Variants in DDC observed in about 807,000 individuals in gnomAD.
DDC encodes the protein dopa decarboxylase, also known as aromatic-L-amino-acid decarboxylase.
A neutral mutation model predicts 60.0 loss-of-function variants in DDC; 43 were observed. The ratio of observed to expected loss-of-function variants is 0.72; its 90% CI spans 0.56 to 0.92. The LOEUF is 0.92. Ranked by LOEUF, DDC falls within the 40% of genes least tolerant of loss-of-function variation. The pLI is 0.00. For synonymous variants in DDC, 232 were observed against 234.6 expected (o/e 0.99, Z 0.10); for missense variants, 573 against 620.2 (o/e 0.92, Z 0.81).
chr7:50,524,805 C>T (rs1418552387), intron 6 of DDC, among the ~76,000 whole-genome samples: 1 of 152,184 alleles, frequency 6.6e-6, no homozygotes, highest in Non-Finnish European at 1.5e-5. Context: ...TACCATAGGA[C>T]CCTTAATTGC....
intron 6 of DDC, among the ~76,000 whole-genome samples, chr7:50,520,950 G>A (rs1044574343): frequency 1.3e-5 from 2 of 150,174 alleles, no homozygotes; most frequent in Non-Finnish European, 3.0e-5. Flanking sequence ...TAAATGCAAT[G>A]TAAGCAGAAG....
intron 1 of DDC, among the ~76,000 whole-genome samples, chr7:50,562,692 C>T (rs1473890848): frequency 2.0e-5 from 3 of 152,184 alleles, no homozygotes; most frequent in East Asian, 3.8e-4. Context: ...TCCTACAGGG[C>T]GGAGCTGGGG....
chr7:50,479,091 A>G (rs1330424494), intron 10 of DDC, among the ~76,000 whole-genome samples: 1 of 152,214 alleles, frequency 6.6e-6, no homozygotes, highest in African/African-American at 2.4e-5. Context: ...AGCCAGATAC[A>G]CTGGCCCAAG....
At chr7:50,536,316 C>A (rs1422853826) in intron 4 of DDC, among the ~76,000 whole-genome samples, 1 of 152,218 alleles carries the variant, frequency 6.6e-6, no homozygotes, top group Admixed American at 6.5e-5. Context: ...CATCTTACAT[C>A]TCATGTCCCC....
intron 1 of DDC, among the ~76,000 whole-genome samples, 171 bp downstream of exon 1, chr7:50,565,114 C>G (rs1322654444): frequency 1.3e-5 from 2 of 152,184 alleles, no homozygotes; most frequent in African/African-American, 4.8e-5. Context: ...GCACAGCCCC[C>G]ACTGAACAAA....
intron 1 of DDC, among the ~76,000 whole-genome samples, chr7:50,558,245 T>C (rs2045247607): frequency 6.6e-6 from 1 of 152,256 alleles, no homozygotes; most frequent in Non-Finnish European, 1.5e-5. Context: ...ATAGTCATAA[T>C]ATCCAGTGCC....
intron 9 of DDC, among the ~76,000 whole-genome samples, chr7:50,483,154 C>CTATGTTTTTTGGTTTT: frequency 6.6e-6 from 1 of 152,038 alleles, no homozygotes; most frequent in African/African-American, 2.4e-5. Context: ...TTGGTAGTTA[C>CTATGTTTTTTGGTTTT]CTTTTATCAG....
intron 12 of DDC, among the ~76,000 whole-genome samples, chr7:50,469,001 A>G (rs113149183): frequency 0.053 from 7,526 of 142,374 alleles, 450 homozygotes; most frequent in African/African-American, 0.15. Context: ...GTGCAGTGGC[A>G]CAATCTCTGC....
chr7:50,478,724 G>C (rs976690960), intron 10 of DDC, among the ~76,000 whole-genome samples: 1 of 152,160 alleles, frequency 6.6e-6, no homozygotes, highest in Admixed American at 6.5e-5. Context: ...CTACTTAATA[G>C]GTCTTATGTG....
chr7:50,531,020 A>G (rs2044188132), intron 4 of DDC, among the ~76,000 whole-genome samples: 2 of 152,180 alleles, frequency 1.3e-5, no homozygotes. Context: ...ACATTTATTC[A>G]TGTTTCTGTA....
In DDC at chr7:50,502,137, G is replaced by C. The variant is rs549106824; in HGVS notation, c.781+1856C>G. ...TATGCATTCTGCCAATGGATGAAAGGGTTTTGGCATTCACCCATGTCAGCT... is the reference window on the plus strand; with the variant it reads ...TATGCATTCTGCCAATGGATGAAAGCGTTTTGGCATTCACCCATGTCAGCT... On this transcript the variant is annotated intron_variant, in intron 7 of 14. Transcript: ENST00000444124. Among the ~76,000 whole-genome samples, 12 of 152,240 alleles carry C rather than the reference G, an allele frequency of 7.9e-5. No individual in the cohort carries two copies. In the East Asian group the frequency reaches 2.1e-3, roughly 27 times the overall value.
chr7:50,526,939 C>T (rs2044052073), intron 6 of DDC, among the ~76,000 whole-genome samples: 2 of 152,004 alleles, frequency 1.3e-5, no homozygotes, highest in African/African-American at 4.8e-5. Flanking sequence ...TGTGTATGCA[C>T]CAAATTAATA....
intron 9 of DDC, chr7:50,493,121 T>C: frequency 2.4e-6 from 2 of 837,806 alleles, no homozygotes; most frequent in Non-Finnish European, 3.9e-6. Flanking sequence ...TCCTCATCTG[T>C]AAAGAGAGCG....
At chr7:50,476,222 G>A (rs948291142) in intron 11 of DDC, among the ~76,000 whole-genome samples, 1 of 152,174 alleles carries the variant, frequency 6.6e-6, no homozygotes, top group African/African-American at 2.4e-5. Flanking sequence ...TTGAGACTAG[G>A]CTGCTGAGAT....
Position 50,544,026 on chromosome 7 carries a change from G to A in DDC, c.60C>T (p.Tyr20=). 6.2e-7 allele frequency: 1 copy of A among 1,614,164 alleles called. No homozygotes were observed. Among genetic ancestry groups the A allele is most frequent in the South Asian group, 1.1e-5 (1 of 91,074 alleles). ...GKEMVDYMAN[Y]MEGIEGRQVY... ...CCTGGCGTCCCTCAATGCCTTCCAT[G>A]TAGTTGGCCATGTAATCCACCATCT... is the stretch of plus-strand genomic sequence containing the variant. Residue 20 remains tyrosine (Y), a synonymous_variant, in exon 2 of 15, where the codon TAC becomes TAT. Coordinates refer to ENST00000444124, the MANE Select transcript of DDC (RefSeq NM_001082971.2).
intron 12 of DDC, among the ~76,000 whole-genome samples, chr7:50,468,504 T>TCCTTTCCCAG (rs1275205692): frequency 4.4e-4 from 67 of 152,286 alleles, no homozygotes; most frequent in African/African-American, 1.5e-3. Flanking sequence ...ATATACATAC[T>TCCTTTCCCAG]CCTTTCCCAG....
At chr7:50,550,704 G>A (rs2044965745) in intron 1 of DDC, among the ~76,000 whole-genome samples, 1 of 152,202 alleles carries the variant, frequency 6.6e-6, no homozygotes. Context: ...GTCACGGTAG[G>A]TGAGATACAG....
intron 9 of DDC, among the ~76,000 whole-genome samples, chr7:50,482,419 A>C (rs555086828): frequency 2.6e-5 from 4 of 152,358 alleles, no homozygotes; most frequent in African/African-American, 9.6e-5. Context: ...TTCTGTAAAC[A>C]TTAGAAGCCC....
chr7:50,492,786 G>C, intron 9 of DDC: 1 of 1,458,536 alleles, frequency 6.9e-7, no homozygotes, highest in Non-Finnish European at 9.0e-7. Flanking sequence ...CTCACAGGCT[G>C]GTGGCTGAAC....
Sources: gnomAD v4.1 joint callset for allele counts (sites outside exome capture counted in the v4.1 genomes callset) on GRCh38, gnomAD v4.1.1 for gene constraint, MANE v1.5 for transcripts, NCBI Gene and HGNC (gene_info 2026-07-23, HGNC 2026-07-21) for gene names.